ZNF727: variants seen among roughly 807,000 people sequenced by gnomAD.
ZNF727 encodes putative zinc finger protein 727.
ZNF727 carries 11 observed loss-of-function variants against 11.5 expected under a neutral mutation model. That is an observed-to-expected ratio of 0.95 (90% CI 0.60 to 1.58). The LOEUF (loss-of-function observed/expected upper bound fraction) is 1.58. Ranked by LOEUF, ZNF727 falls within the 40% of genes most tolerant of loss-of-function variation. The probability of loss-of-function intolerance (pLI) is 0.00; values close to 1 mark genes in which losing one functional copy is unlikely to be tolerated. For synonymous variants in ZNF727, 171 were observed against 196.1 expected, an observed-to-expected ratio of 0.87 and a Z score of 1.07; for missense variants, 533 against 581.7, an observed-to-expected ratio of 0.92 and a Z score of 0.86.
chr7:64,059,949 C>T (rs1012646475), intron 1 of ZNF727, among the ~76,000 whole-genome samples: 1 of 151,960 alleles, frequency 6.6e-6, no homozygotes, highest in African/African-American at 2.4e-5. Context: ...ACCTGGAAAC[C>T]ATTGCTTTGA....
At position 64,084,908 on chromosome 7, in the gene ZNF727, C is replaced by G. The variant is rs1172546638; in HGVS notation, c.*6359C>G. Among the ~76,000 whole-genome samples the G allele has an allele frequency of 6.6e-6, 1 of 152,098 alleles. No individual in the cohort carries two copies. The highest frequency in any genetic ancestry group is 1.5e-5 in the Non-Finnish European group (1 of 67,988). ...AATTTTACATGTGTTGATATCTTGC[C>G]AGCAAACCAGTAATTTCAAAGATTT... On this transcript the variant is annotated 3_prime_UTR_variant, in exon 4 of 4. Transcript: ENST00000456806.
chr7:64,060,862 T>C (rs1029887478), intron 1 of ZNF727, among the ~76,000 whole-genome samples: 87 of 152,038 alleles, frequency 5.7e-4, no homozygotes, highest in African/African-American at 2.0e-3. Context: ...CTTTCACTTA[T>C]TCATAGCTAT....
intron 2 of ZNF727, 37 bp downstream of exon 2, chr7:64,069,054 T>C: frequency 6.7e-7 from 1 of 1,492,266 alleles, no homozygotes; most frequent in Non-Finnish European, 8.9e-7. Flanking sequence ...ATATTCTACA[T>C]TAAATATTTT....
intron 1 of ZNF727, among the ~76,000 whole-genome samples, chr7:64,060,838 CCTT>C (rs148201012): frequency 0.039 from 5,981 of 151,472 alleles, 161 homozygotes; most frequent in Non-Finnish European, 0.061. Flanking sequence ...TTGCTATAAA[CCTT>C]CTTAGTACTT....
chr7:64,070,569 A>G (rs1789944631), intron 3 of ZNF727, among the ~76,000 whole-genome samples: 1 of 152,094 alleles, frequency 6.6e-6, no homozygotes, highest in Non-Finnish European at 1.5e-5. Context: ...ATCTGTATAC[A>G]TAATGAAATG....
At chr7:64,052,370 TTCTC>T (rs1159510850) in intron 1 of ZNF727, among the ~76,000 whole-genome samples, 1 of 112,894 alleles carries the variant, frequency 8.9e-6, no homozygotes, top group Non-Finnish European at 1.9e-5. Flanking sequence ...CCTGGACAAT[TTCTC>T]TCTCTTTTTT....
intron 1 of ZNF727, among the ~76,000 whole-genome samples, chr7:64,050,792 G>A (rs1275754188): frequency 1.3e-5 from 2 of 151,362 alleles, no homozygotes; most frequent in South Asian, 2.1e-4. Flanking sequence ...GTGTGTGTGT[G>A]TGTGTGTGTG....
chr7:64,070,730 T>TA (rs780239536), intron 3 of ZNF727, among the ~76,000 whole-genome samples: 3 of 152,072 alleles, frequency 2.0e-5, no homozygotes, highest in Non-Finnish European at 2.9e-5. Context: ...TACCATAACT[T>TA]ATGTCTTTTC....
In ZNF727 at chr7:64,077,538, TAAG is replaced by T; in HGVS notation, c.492_494del (p.Lys165del). 2 of 1,551,330 alleles carry T rather than the reference TAAG, an allele frequency of 1.3e-6. No homozygotes were observed. The highest frequency in any genetic ancestry group is 1.7e-6 in the Non-Finnish European group (2 of 1,146,790). On this transcript the variant is annotated inframe_deletion, in exon 4 of 4. Coordinates refer to ENST00000456806, the MANE Select transcript of ZNF727 (RefSeq NM_001159522.3). Reference sequence around the variant, plus strand: ...GGTTGTGCTCAATCTTCACTGAACATAAGAAAATTTTTAGCAGAGAGAAATGCT... The same window carrying T: ...GGTTGTGCTCAATCTTCACTGAACATAAAATTTTTAGCAGAGAGAAATGCT...
At chr7:64,067,150 C>T (rs1164286407) in intron 1 of ZNF727, among the ~76,000 whole-genome samples, 1 of 151,884 alleles carries the variant, frequency 6.6e-6, no homozygotes, top group African/African-American at 2.4e-5. Flanking sequence ...AAAAAAAACT[C>T]ATCATCACTG....
intron 3 of ZNF727, among the ~76,000 whole-genome samples, chr7:64,074,029 C>T (rs1202455945): frequency 1.3e-5 from 2 of 152,098 alleles, no homozygotes; most frequent in African/African-American, 4.8e-5. Context: ...GTTGATTGTG[C>T]TTTACTTAGC....
chr7:64,064,785 C>G (rs1028759255), intron 1 of ZNF727, among the ~76,000 whole-genome samples: 10 of 152,162 alleles, frequency 6.6e-5, no homozygotes, highest in African/African-American at 2.2e-4. Flanking sequence ...CCTCTGCAGG[C>G]TCTGGCTGAA....
At chr7:64,072,981 G>T (rs1789985755) in intron 3 of ZNF727, among the ~76,000 whole-genome samples, 1 of 152,106 alleles carries the variant, frequency 6.6e-6, no homozygotes, top group African/African-American at 2.4e-5. Flanking sequence ...TAGGATTACA[G>T]GTGTGAACCA....
At position 64,083,999 on chromosome 7, in the gene ZNF727, C is replaced by T. The variant is rs1177707933; in HGVS notation, c.*5450C>T. On this transcript the variant is annotated 3_prime_UTR_variant, in exon 4 of 4. Transcript: ENST00000456806. ...TTACATTTGATGCTATGTCTTCATT[C>T]TAGAATTTATGTGAAAGAACATGGT... Among the ~76,000 whole-genome samples the T allele has an allele frequency of 2.0e-5, 3 of 152,072 alleles. No individual in the cohort carries two copies. The highest frequency in any genetic ancestry group is 1.9e-4 in the East Asian group (1 of 5,194).
At chr7:64,063,438 G>C (rs1263355512) in intron 1 of ZNF727, among the ~76,000 whole-genome samples, 2 of 152,134 alleles carry the variant, frequency 1.3e-5, no homozygotes, top group African/African-American at 4.8e-5. Flanking sequence ...TTACCAGGCA[G>C]ACTCTTTTTC....
intron 1 of ZNF727, among the ~76,000 whole-genome samples, chr7:64,059,101 C>T (rs1266750371): frequency 6.6e-6 from 1 of 152,114 alleles, no homozygotes; most frequent in South Asian, 2.1e-4. Flanking sequence ...CATGCCACCA[C>T]ACCCTGCTAA....
chr7:64,077,461 T>G lies in ZNF727; in HGVS notation c.412T>G (p.Ser138Ala). 6.4e-7 allele frequency: 1 copy of G among 1,551,890 alleles called. No individual in the cohort carries two copies. Among genetic ancestry groups the G allele is most frequent in the African/African-American group, 1.4e-5 (1 of 73,174 alleles). The change falls in exon 4 of 4, where the codon TCA (serine) becomes GCA (alanine). Residue 138 changes from serine to alanine, a missense_variant. Physicochemically the swap from Ser to Ala is moderately conservative, Grantham distance 99. Around this residue, in one of 3 missense-constraint regions of ZNF727, gnomAD observed 463 missense variants for 494.5 expected, o/e 0.94. Transcript: ENST00000456806. ...SSYNGIHQCLSATRSKTCQYN... is the reference protein window; with the variant it reads ...SSYNGIHQCLAATRSKTCQYN... ...TTATAATGGCATTCATCAATGTTTG[T>G]CAGCTACCCGTAGCAAAACCTGTCA...
chr7:64,054,185 A>G (rs1379047568), intron 1 of ZNF727, among the ~76,000 whole-genome samples: 1 of 152,176 alleles, frequency 6.6e-6, no homozygotes, highest in Admixed American at 6.5e-5. Flanking sequence ...CCTTCCCTCA[A>G]TGCACACACA....
chr7:64,069,478 T>A, intron 2 of ZNF727, 36 bp from the exon 3 acceptor site: 1 of 1,476,660 alleles, frequency 6.8e-7, no homozygotes, highest in South Asian at 1.2e-5. Flanking sequence ...CAGATTATCC[T>A]AGCAAGAGTC....
Sources: gnomAD v4.1 joint callset for allele counts (sites outside exome capture counted in the v4.1 genomes callset) on GRCh38, gnomAD v4.1.1 for gene constraint, gnomAD v4.1.1 regional missense constraint, MANE v1.5 for transcripts, NCBI Gene and HGNC (gene_info 2026-07-23, HGNC 2026-07-21) for gene names.